The following SLC35F4 variants were observed in gnomAD, a reference collection of about 807,000 sequenced individuals.
The protein encoded by SLC35F4 is chromosome 14 open reading frame 36.
A neutral mutation model predicts 44.2 loss-of-function variants in SLC35F4; 24 were observed. That is an observed-to-expected ratio of 0.54 (90% CI 0.39 to 0.76). SLC35F4 has a LOEUF of 0.76. Ranked by LOEUF, SLC35F4 falls within the 30% of genes least tolerant of loss-of-function variation. The pLI is 0.00. For synonymous variants in SLC35F4, 238 were observed against 223.6 expected (o/e 1.06, Z -0.57); for missense variants, 562 against 586.1 (o/e 0.96, Z 0.42).
chr14:57,631,001 T>A, intron 1 of SLC35F4: 1 of 256,356 alleles, frequency 3.9e-6, no homozygotes, highest in Non-Finnish European at 6.2e-6. Context: ...ATTCTTTTAT[T>A]AAAAATAAAC....
At chr14:57,745,309 G>T (rs1293904754) in intron 1 of SLC35F4, among the ~76,000 whole-genome samples, 1 of 152,072 alleles carries the variant, frequency 6.6e-6, no homozygotes, top group Middle Eastern at 3.2e-3. Flanking sequence ...CTACAGAAAG[G>T]GAGAAAATTT....
At chr14:57,689,964 C>T (rs571486462) in intron 1 of SLC35F4, among the ~76,000 whole-genome samples, 2 of 152,304 alleles carry the variant, frequency 1.3e-5, no homozygotes, top group South Asian at 4.1e-4. Context: ...TTTGCCTAAA[C>T]TAAATGAGTT....
intron 1 of SLC35F4, among the ~76,000 whole-genome samples, chr14:57,954,871 C>T (rs999680844): frequency 6.7e-6 from 1 of 150,242 alleles, no homozygotes; most frequent in African/African-American, 2.5e-5. Context: ...GGTACCATTC[C>T]TTTTGAAACT....
intron 1 of SLC35F4, among the ~76,000 whole-genome samples, chr14:57,787,162 A>G (rs1828019837): frequency 6.6e-6 from 1 of 152,226 alleles, no homozygotes; most frequent in Non-Finnish European, 1.5e-5. Context: ...GAAGAAAGAA[A>G]TTCAGAGCTC....
intron 1 of SLC35F4, among the ~76,000 whole-genome samples, chr14:57,612,336 A>G (rs937653207): frequency 2.0e-5 from 3 of 152,138 alleles, no homozygotes; most frequent in African/African-American, 7.2e-5. Flanking sequence ...ATTACAAGCA[A>G]GTCTCAAGTC....
At chr14:57,571,384 G>C (rs1005978105) in intron 5 of SLC35F4, among the ~76,000 whole-genome samples, 1 of 152,212 alleles carries the variant, frequency 6.6e-6, no homozygotes, top group African/African-American at 2.4e-5. Flanking sequence ...AGTAACACGA[G>C]CTCCTGTGGC....
chr14:57,580,172 C>A (rs1486222966), intron 4 of SLC35F4, among the ~76,000 whole-genome samples: 1 of 152,114 alleles, frequency 6.6e-6, no homozygotes, highest in Non-Finnish European at 1.5e-5. Flanking sequence ...AATTTCAGAG[C>A]AGCATCTCCC....
At chr14:57,939,177 T>C (rs1482109967) in intron 1 of SLC35F4, among the ~76,000 whole-genome samples, 2 of 151,780 alleles carry the variant, frequency 1.3e-5, no homozygotes, top group Non-Finnish European at 2.9e-5. Flanking sequence ...TGGGTTTCTG[T>C]GTTGGTTTGG....
At chr14:57,824,087 G>C (rs2140917835) in intron 1 of SLC35F4, among the ~76,000 whole-genome samples, 1 of 152,192 alleles carries the variant, frequency 6.6e-6, no homozygotes, top group East Asian at 1.9e-4. Flanking sequence ...CATGCTTTTA[G>C]ATGATCTTTA....
At chr14:57,884,471 T>C (rs982089349) in intron 1 of SLC35F4, among the ~76,000 whole-genome samples, 1 of 152,220 alleles carries the variant, frequency 6.6e-6, no homozygotes, top group African/African-American at 2.4e-5. Flanking sequence ...ATTTCGTTTC[T>C]TTTTCATTCA....
chr14:57,616,100 A>G (rs1406142806), intron 1 of SLC35F4, among the ~76,000 whole-genome samples: 2 of 152,210 alleles, frequency 1.3e-5, no homozygotes, highest in Admixed American at 1.3e-4. Context: ...AACTCTTTTA[A>G]GTGTAAAGTC....
At chr14:57,936,528 C>G (rs1566504895) in intron 1 of SLC35F4, among the ~76,000 whole-genome samples, 3 of 152,202 alleles carry the variant, frequency 2.0e-5, no homozygotes, top group Admixed American at 2.0e-4. Context: ...CCCCAGGGAA[C>G]TTTTGACAAT....
intron 1 of SLC35F4, among the ~76,000 whole-genome samples, chr14:57,855,515 C>T (rs1240866724): frequency 1.3e-5 from 2 of 152,106 alleles, no homozygotes; most frequent in East Asian, 1.9e-4. Context: ...GTTAGAATGG[C>T]GATCATTTAA....
At chr14:57,934,821 C>T (rs1594635799) in intron 1 of SLC35F4, among the ~76,000 whole-genome samples, 1 of 152,016 alleles carries the variant, frequency 6.6e-6, no homozygotes, top group African/African-American at 2.4e-5. Context: ...TATTAATCAC[C>T]GATTTTTCTT....
At chr14:57,893,339 C>T (rs74864057) in intron 1 of SLC35F4, among the ~76,000 whole-genome samples, 13,801 of 152,240 alleles carry the variant, frequency 0.091, 693 homozygotes, top group Middle Eastern at 0.11. Flanking sequence ...TCAGGCATTA[C>T]ATACATTGTC....
At chr14:57,781,299 C>T (rs899733269) in intron 1 of SLC35F4, among the ~76,000 whole-genome samples, 3 of 152,066 alleles carry the variant, frequency 2.0e-5, no homozygotes, top group African/African-American at 7.2e-5. Context: ...ATGTGCCCAA[C>T]AAGCATATTT....
intron 1 of SLC35F4, among the ~76,000 whole-genome samples, chr14:57,726,526 G>T (rs776132343): frequency 6.6e-6 from 1 of 152,080 alleles, no homozygotes; most frequent in Non-Finnish European, 1.5e-5. Flanking sequence ...ATCACATGAC[G>T]TAAGATTTAT....
At chr14:57,819,512 A>T (rs916650983) in intron 1 of SLC35F4, among the ~76,000 whole-genome samples, 1 of 151,766 alleles carries the variant, frequency 6.6e-6, no homozygotes, top group Non-Finnish European at 1.5e-5. Flanking sequence ...AGAAAGCAAG[A>T]TAGAAGAAAT....
chr14:57,670,183 T>G (rs2140268592), intron 1 of SLC35F4, among the ~76,000 whole-genome samples: 1 of 152,280 alleles, frequency 6.6e-6, no homozygotes, highest in African/African-American at 2.4e-5. Flanking sequence ...GATATTCACT[T>G]TATCATTTTT....
Sources: allele counts gnomAD v4.1 joint callset (sites outside exome capture counted in the v4.1 genomes callset), GRCh38; gene constraint gnomAD v4.1.1; transcripts MANE v1.5; gene names NCBI Gene and HGNC (gene_info 2026-07-23, HGNC 2026-07-21).